VTI1A: variants seen among roughly 807,000 people sequenced by gnomAD.
The protein encoded by VTI1A is vesicle transport through interaction with t-SNAREs 1A.
In VTI1A, 22 loss-of-function variants were observed where a neutral mutation model predicts 34.9. The observed-to-expected ratio is 0.63, with a 90% CI of 0.45 to 0.90. The LOEUF (loss-of-function observed/expected upper bound fraction) is 0.90. Ranked by LOEUF, VTI1A falls within the 40% of genes least tolerant of loss-of-function variation. The pLI, the probability that VTI1A is intolerant of heterozygous loss-of-function variation, is 0.00. For missense variants in VTI1A, 268 were observed against 275.6 expected, an observed-to-expected ratio of 0.97 and a Z score of 0.20; for synonymous variants, 87 against 97.3, an observed-to-expected ratio of 0.89 and a Z score of 0.62.
intron 7 of VTI1A, among the ~76,000 whole-genome samples, chr10:112,776,110 G>C (rs1317864780): frequency 1.3e-5 from 2 of 152,186 alleles, no homozygotes; most frequent in African/African-American, 2.4e-5. Flanking sequence ...TAACTAAATA[G>C]AGCTGGAGCA....
At chr10:112,665,295 A>G (rs542404933) in intron 5 of VTI1A, among the ~76,000 whole-genome samples, 40 of 139,352 alleles carry the variant, frequency 2.9e-4, no homozygotes, top group African/African-American at 9.9e-4. Flanking sequence ...AGTGGGCCCC[A>G]CAGTGGGGGA....
chr10:112,688,137 A>G (rs1848488157), intron 7 of VTI1A, among the ~76,000 whole-genome samples: 1 of 151,396 alleles, frequency 6.6e-6, no homozygotes, highest in Non-Finnish European at 1.5e-5. Context: ...TATTTTTAGT[A>G]GAGACAGGGT....
At chr10:112,811,683 C>CA (rs869030543) in intron 7 of VTI1A, among the ~76,000 whole-genome samples, 372 of 11,818 alleles carry the variant, frequency 0.031, 52 homozygotes, top group Non-Finnish European at 0.043. Context: ...GACTCCGTCT[C>CA]AAAAAAAAAA....
chr10:112,527,814 C>T (rs1850289045), intron 4 of VTI1A, among the ~76,000 whole-genome samples: 1 of 151,980 alleles, frequency 6.6e-6, no homozygotes, highest in African/African-American at 2.4e-5. Flanking sequence ...AAGAGCTTTA[C>T]AACTTGGCTG....
the VTI1A span, among the ~76,000 whole-genome samples, chr10:112,853,075 C>T: frequency 1.8e-4 from 27 of 152,304 alleles, no homozygotes; most frequent in Admixed American, 3.3e-4. Context: ...TGAGCCACCG[C>T]GCCCGGCCAG....
At chr10:112,746,034 T>C (rs1850882225) in intron 7 of VTI1A, among the ~76,000 whole-genome samples, 1 of 152,216 alleles carries the variant, frequency 6.6e-6, no homozygotes, top group South Asian at 2.1e-4. Context: ...AGTAAGTACA[T>C]AGCCATTGGT....
At chr10:112,820,041 G>A (rs935441004), downstream of VTI1A, among the ~76,000 whole-genome samples, 1 of 152,222 alleles carries the variant, frequency 6.6e-6, no homozygotes, top group African/African-American at 2.4e-5. Context: ...AGATGGTCCT[G>A]CAGGAGCCAC....
chr10:112,533,262 A>G (rs149631485), intron 4 of VTI1A, among the ~76,000 whole-genome samples: 2 of 152,062 alleles, frequency 1.3e-5, no homozygotes, highest in East Asian at 3.9e-4. Context: ...TTATTTCATG[A>G]TGGTGTCTTA....
At chr10:112,641,097 G>C (rs537955793) in intron 5 of VTI1A, among the ~76,000 whole-genome samples, 2 of 151,292 alleles carry the variant, frequency 1.3e-5, no homozygotes, top group East Asian at 3.9e-4. Flanking sequence ...TGATCATTCT[G>C]AGAGGGGGTG....
chr10:112,611,031 T>G (rs968014559), intron 5 of VTI1A, among the ~76,000 whole-genome samples: 1 of 152,236 alleles, frequency 6.6e-6, no homozygotes, highest in Non-Finnish European at 1.5e-5. Flanking sequence ...AGGCAGATTT[T>G]TGCTACTTTC....
chr10:112,603,591 A>C (rs1844960792), intron 5 of VTI1A, among the ~76,000 whole-genome samples: 1 of 152,136 alleles, frequency 6.6e-6, no homozygotes, highest in Admixed American at 6.5e-5. Context: ...TTTTACTTCA[A>C]ACTGAGTGCT....
chr10:112,507,961 G>A (rs955769912), intron 3 of VTI1A, among the ~76,000 whole-genome samples: 1 of 152,208 alleles, frequency 6.6e-6, no homozygotes, highest in Non-Finnish European at 1.5e-5. Context: ...GTTCTGGAAT[G>A]TAGTTTCTTT....
At chr10:112,561,505 T>C (rs1851724602) in intron 5 of VTI1A, among the ~76,000 whole-genome samples, 1 of 152,190 alleles carries the variant, frequency 6.6e-6, no homozygotes, top group Non-Finnish European at 1.5e-5. Flanking sequence ...TTTTATTATA[T>C]GATAAGTAAA....
intron 5 of VTI1A, among the ~76,000 whole-genome samples, chr10:112,609,018 A>C (rs570660442): frequency 3.9e-5 from 6 of 152,194 alleles, no homozygotes; most frequent in African/African-American, 1.4e-4. Flanking sequence ...ACTAGTAAAA[A>C]TGAAGTTGGA....
chr10:112,664,994 C>T (rs896552638), intron 5 of VTI1A, among the ~76,000 whole-genome samples: 1 of 152,136 alleles, frequency 6.6e-6, no homozygotes, highest in Non-Finnish European at 1.5e-5. Flanking sequence ...TATGATTTCT[C>T]AAATTATTTC....
At chr10:112,702,777 G>A (rs1220004843) in intron 7 of VTI1A, among the ~76,000 whole-genome samples, 1 of 152,156 alleles carries the variant, frequency 6.6e-6, no homozygotes, top group East Asian at 1.9e-4. Flanking sequence ...GTAGAGATGG[G>A]ATTTCACCAT....
At chr10:112,654,151 C>T (rs937343976) in intron 5 of VTI1A, among the ~76,000 whole-genome samples, 16 of 152,180 alleles carry the variant, frequency 1.1e-4, no homozygotes, top group Admixed American at 2.6e-4. Flanking sequence ...TCTGTAAGTG[C>T]GTATTTGGTT....
At chr10:112,605,120 C>T (rs1289774318) in intron 5 of VTI1A, among the ~76,000 whole-genome samples, 1 of 152,140 alleles carries the variant, frequency 6.6e-6, no homozygotes, top group Non-Finnish European at 1.5e-5. Flanking sequence ...CCAGACTTTC[C>T]ATCCTGATCT....
At chr10:112,452,566 CA>C (rs57884472) in intron 1 of VTI1A, among the ~76,000 whole-genome samples, 15,866 of 134,642 alleles carry the variant, frequency 0.12, 859 homozygotes, top group Admixed American at 0.15. Flanking sequence ...GACTCTGTCT[CA>C]AAAAAAAAAA....
Sources: gnomAD v4.1 joint callset for allele counts (sites outside exome capture counted in the v4.1 genomes callset) on GRCh38, gnomAD v4.1.1 for gene constraint, MANE v1.5 for transcripts, NCBI Gene and HGNC (gene_info 2026-07-23, HGNC 2026-07-21) for gene names.